The following ZFHX3 variants were observed in gnomAD, a reference collection of about 807,000 sequenced individuals.
ZFHX3 encodes zinc finger homeobox 3.
Under a neutral mutation model 279.1 loss-of-function variants are expected in ZFHX3, and 42 were observed. The ratio of observed to expected loss-of-function variants is 0.15; its 90% CI spans 0.12 to 0.19. ZFHX3 has a LOEUF of 0.19. Ranked by LOEUF, ZFHX3 falls within the 10% of genes least tolerant of loss-of-function variation. ZFHX3 has a pLI of 1.00. For missense variants in ZFHX3, 4,981 were observed against 4,754.0 expected, an observed-to-expected ratio of 1.05 and a Z score of -1.40; for synonymous variants, 2,293 against 1,957.8, an observed-to-expected ratio of 1.17 and a Z score of -4.52.
chr16:73,168,268 T>TTTC (rs1555502349), intron 5 of ZFHX3, among the ~76,000 whole-genome samples: 1 of 150,302 alleles, frequency 6.7e-6, no homozygotes, highest in South Asian at 2.1e-4. Context: ...TCTTTCTTTC[T>TTTC]TTCTTTCTTT....
intron 2 of ZFHX3, among the ~76,000 whole-genome samples, chr16:73,678,273 G>A (rs8063377): frequency 0.21 from 32,113 of 152,078 alleles, 3,477 homozygotes; most frequent in Non-Finnish European, 0.22. Context: ...CACTGTAGAA[G>A]ACCATTGGGA....
chr16:73,879,090 G>C lies in ZFHX3; in HGVS notation c.-1608+12561C>G, dbSNP rs543487198. Among the ~76,000 whole-genome samples the C allele has an allele frequency of 5.9e-5, 9 of 151,618 alleles. No individual in the cohort carries two copies. In the South Asian group the frequency reaches 1.9e-3, roughly 32 times the overall value. On this transcript the variant is annotated intron_variant, in intron 1 of 17. Coordinates refer to the ZFHX3 transcript ENST00000641206. ...TTTAGCTTCTTCCAACTTCTCTTGA[G>C]GACCAAGTTAACAACACCCAGAAAA...
At chr16:73,746,720 A>T (rs2053706911) in intron 1 of ZFHX3, among the ~76,000 whole-genome samples, 1 of 152,224 alleles carries the variant, frequency 6.6e-6, no homozygotes, top group Non-Finnish European at 1.5e-5. Flanking sequence ...AAATTAACCA[A>T]ATTATCCAGC....
chr16:72,827,948 G>A (rs1597283468), intron 5 of ZFHX3, among the ~76,000 whole-genome samples: 2 of 152,250 alleles, frequency 1.3e-5, no homozygotes, highest in East Asian at 3.9e-4. Flanking sequence ...CACCCGCCCT[G>A]CGTATCTCTC....
chr16:73,560,135 T>C (rs1315191586), intron 2 of ZFHX3, among the ~76,000 whole-genome samples: 1 of 152,218 alleles, frequency 6.6e-6, no homozygotes, highest in Middle Eastern at 3.2e-3. Flanking sequence ...TTGTTTTCCA[T>C]TGACTGGTTT....
At chr16:73,053,203 G>A (rs963095001) in intron 1 of ZFHX3, among the ~76,000 whole-genome samples, 4 of 151,884 alleles carry the variant, frequency 2.6e-5, no homozygotes, top group African/African-American at 9.7e-5. Context: ...TTTTGGAGGG[G>A]GGTTCCAATT....
At chr16:73,121,150 G>A (rs1410104580) in intron 7 of ZFHX3, among the ~76,000 whole-genome samples, 1 of 152,020 alleles carries the variant, frequency 6.6e-6, no homozygotes. Context: ...TATAATATAT[G>A]TTTCTGTTAA....
intron 4 of ZFHX3, among the ~76,000 whole-genome samples, chr16:72,888,487 G>A (rs942760389): frequency 3.9e-5 from 6 of 152,172 alleles, no homozygotes; most frequent in African/African-American, 1.4e-4. Context: ...GCATTTGGCA[G>A]CACCAGGACA....
At chr16:73,026,506 T>C (rs2144664219) in intron 1 of ZFHX3, among the ~76,000 whole-genome samples, 1 of 149,946 alleles carries the variant, frequency 6.7e-6, no homozygotes, top group South Asian at 2.1e-4. Context: ...ACCCTGTCTC[T>C]ACTAAATACA....
intron 9 of ZFHX3, among the ~76,000 whole-genome samples, chr16:72,792,094 A>C (rs937707070): frequency 1.3e-5 from 2 of 152,222 alleles, no homozygotes; most frequent in Admixed American, 1.3e-4. Context: ...CCTGGAGGTG[A>C]AGGTCCAATT....
chr16:73,041,587 T>C (rs2144703009), intron 1 of ZFHX3, among the ~76,000 whole-genome samples: 1 of 152,232 alleles, frequency 6.6e-6, no homozygotes, highest in East Asian at 1.9e-4. Context: ...AATTACGTTA[T>C]CAAATAACAT....
At chr16:73,064,720 T>G (rs746993371) in intron 8 of ZFHX3, among the ~76,000 whole-genome samples, 19 of 152,160 alleles carry the variant, frequency 1.2e-4, no homozygotes, top group South Asian at 2.1e-4. Context: ...TTTGAATACA[T>G]GGCGCATTGT....
chr16:72,961,852 G>A (rs575824474), intron 1 of ZFHX3, among the ~76,000 whole-genome samples: 1 of 152,046 alleles, frequency 6.6e-6, no homozygotes, highest in South Asian at 2.1e-4. Flanking sequence ...CCTTAGAAAG[G>A]ACATACTGAC....
At chr16:73,780,092 C>G (rs1438516734) in intron 1 of ZFHX3, among the ~76,000 whole-genome samples, 6 of 133,126 alleles carry the variant, frequency 4.5e-5, no homozygotes, top group Non-Finnish European at 9.3e-5. Flanking sequence ...TGTAAACCAG[C>G]AAAACTCACT....
intron 2 of ZFHX3, among the ~76,000 whole-genome samples, chr16:73,601,629 A>C (rs1404951784): frequency 1.3e-5 from 2 of 152,192 alleles, no homozygotes; most frequent in African/African-American, 4.8e-5. Context: ...TTTAACAGAC[A>C]GTTCTTTTGA....
intron 8 of ZFHX3, among the ~76,000 whole-genome samples, chr16:73,091,885 A>T (rs1966087938): frequency 6.6e-6 from 1 of 152,228 alleles, no homozygotes; most frequent in Non-Finnish European, 1.5e-5. Context: ...TCACCTTAGC[A>T]AACCAATACA....
At chr16:73,220,147 T>A (rs907384465) in intron 5 of ZFHX3, among the ~76,000 whole-genome samples, 1 of 151,770 alleles carries the variant, frequency 6.6e-6, no homozygotes, top group African/African-American at 2.4e-5. Flanking sequence ...GCATTGGGTA[T>A]ACATAGACAT....
At chr16:73,412,691 T>G (rs2143465119) in intron 3 of ZFHX3, among the ~76,000 whole-genome samples, 1 of 152,296 alleles carries the variant, frequency 6.6e-6, no homozygotes, top group South Asian at 2.1e-4. Context: ...TTAAATAGGC[T>G]TTTGTGGGCT....
Position 72,795,596 on chromosome 16 carries a change from G to A in ZFHX3, c.7086C>T (p.Asp2362=), listed in dbSNP as rs751909075. 6.2e-7 allele frequency: 1 copy of A among 1,613,932 alleles called. No homozygotes were observed. The highest frequency in any genetic ancestry group is 1.1e-5 in the South Asian group (1 of 91,040). Reference sequence around the variant, plus strand: ...CATCCATGGAATCCTCATTTTGGCTGTCGTCCTGCCCCTCCTCATCCTCAT... The same window carrying A: ...CATCCATGGAATCCTCATTTTGGCTATCGTCCTGCCCCTCCTCATCCTCAT... ...YKDEDEEGQD[D]SQNEDSMDAM... is the part of the protein sequence containing the mutation. Residue 2362 remains aspartate (D), a synonymous_variant, in exon 9 of 10, where the codon GAC becomes GAT. Transcript: ENST00000268489.
Sources: allele counts gnomAD v4.1 joint callset (sites outside exome capture counted in the v4.1 genomes callset), GRCh38; gene constraint gnomAD v4.1.1; transcripts MANE v1.5; gene names NCBI Gene and HGNC (gene_info 2026-07-23, HGNC 2026-07-21).